Variants in SDK1 observed in about 807,000 individuals in gnomAD.
The protein encoded by SDK1 is protein sidekick-1.
Under a neutral mutation model 245.5 loss-of-function variants are expected in SDK1, and 157 were observed. The ratio of observed to expected loss-of-function variants is 0.64; its 90% CI spans 0.56 to 0.73. The LOEUF (loss-of-function observed/expected upper bound fraction) is 0.73, where lower values mean the gene tolerates loss of function less well. Among genes scored for constraint, SDK1 ranks in the 30% least tolerant of loss-of-function variants. SDK1 has a pLI of 0.00. For synonymous variants in SDK1, 1,647 were observed against 1,278.5 expected, an observed-to-expected ratio of 1.29 and a Z score of -6.15; for missense variants, 3,583 against 3,002.3, an observed-to-expected ratio of 1.19 and a Z score of -4.52.
intron 4 of SDK1, among the ~76,000 whole-genome samples, chr7:3,743,747 GA>G (rs370061120): frequency 6.6e-6 from 1 of 151,956 alleles, no homozygotes; most frequent in Non-Finnish European, 1.5e-5. Context: ...CTGTGTGTAC[GA>G]AAAAAATGAT....
intron 4 of SDK1, among the ~76,000 whole-genome samples, chr7:3,713,885 C>T (rs771827609): frequency 2.0e-5 from 3 of 152,176 alleles, no homozygotes; most frequent in Non-Finnish European, 4.4e-5. Flanking sequence ...AACCGAGAGT[C>T]AGGAATCAGC....
At chr7:3,979,296 C>G (rs1783211596) in intron 13 of SDK1, among the ~76,000 whole-genome samples, 1 of 152,210 alleles carries the variant, frequency 6.6e-6, no homozygotes, top group Admixed American at 6.5e-5. Context: ...AGTCCTAGCT[C>G]TTCGTGCTTT....
intron 27 of SDK1, among the ~76,000 whole-genome samples, chr7:4,131,647 C>G (rs1784828335): frequency 6.6e-6 from 1 of 152,156 alleles, no homozygotes. Flanking sequence ...CTTGCCTGTT[C>G]GTTTAAGTAA....
Position 4,146,006 on chromosome 7 carries a change from G to A in SDK1, c.4423+90G>A, listed in dbSNP as rs961631162. The A allele has an allele frequency of 2.5e-5, 29 of 1,164,034 alleles. No homozygotes were observed. In the African/African-American group the frequency reaches 4.2e-4, roughly 17 times the overall value. The allele number at this position is 1,164,034 out of a possible 1,614,324, so 72.1% of individuals were successfully genotyped here. A position where few individuals can be genotyped will look rare whatever the true frequency, so the allele number is the denominator to read the frequency against. ...TCTGGGGTCTGCGGGGTACCTGGGA[G>A]GCTTCGGCCTTCCCTTCGGAGAAAG... On this transcript the variant is annotated intron_variant, in intron 29 of 44. Transcript: ENST00000404826.
At chr7:3,849,285 T>C (rs1780361622) in intron 5 of SDK1, among the ~76,000 whole-genome samples, 1 of 152,186 alleles carries the variant, frequency 6.6e-6, no homozygotes, top group Admixed American at 6.5e-5. Context: ...ATTCACTCTT[T>C]ATCTTCACCA....
At position 3,913,985 on chromosome 7, in the gene SDK1, T is replaced by G. The variant is rs547716027; in HGVS notation, c.848-36938T>G. Among the ~76,000 whole-genome samples the G allele has an allele frequency of 5.9e-5, 9 of 152,330 alleles. No individual in the cohort carries two copies. In the South Asian group the frequency reaches 1.7e-3, roughly 28 times the overall value. ...TGCTATACCATACTCCCTTCCCTGA[T>G]GGTGCCTGCTTTTCTGAAAGCTTCT... On this transcript the variant is annotated intron_variant, in intron 5 of 44. Coordinates refer to ENST00000404826, the MANE Select transcript of SDK1 (RefSeq NM_152744.4).
At chr7:3,785,628 A>T (rs1392555311) in intron 4 of SDK1, among the ~76,000 whole-genome samples, 1 of 152,224 alleles carries the variant, frequency 6.6e-6, no homozygotes, top group Non-Finnish European at 1.5e-5. Flanking sequence ...CTTTATAAGT[A>T]ACTGTCTACT....
intron 1 of SDK1, among the ~76,000 whole-genome samples, chr7:3,444,712 T>C (rs1352237532): frequency 6.6e-6 from 1 of 152,204 alleles, no homozygotes; most frequent in Non-Finnish European, 1.5e-5. Flanking sequence ...TTTTCTGTTT[T>C]CAGTAGGCCA....
chr7:3,685,268 A>G (rs1784245878), intron 4 of SDK1, among the ~76,000 whole-genome samples: 1 of 152,160 alleles, frequency 6.6e-6, no homozygotes. Context: ...TGAAAATGAC[A>G]GCAGTCATTC....
At chr7:3,595,054 T>A (rs1781007353) in intron 1 of SDK1, among the ~76,000 whole-genome samples, 1 of 152,206 alleles carries the variant, frequency 6.6e-6, no homozygotes, top group Non-Finnish European at 1.5e-5. Flanking sequence ...ATACCCTTGT[T>A]GCCACCACAG....
rs530856803 is a variant in SDK1 at position 3,947,167 on chromosome 7, A to G, written c.848-3756A>G. Among the ~76,000 whole-genome samples, 76 of 152,304 alleles carry G rather than the reference A, an allele frequency of 5.0e-4. No homozygotes were observed. The South Asian group carries it at 0.015, about 31-fold the overall frequency. On this transcript the variant is annotated intron_variant, in intron 5 of 44. Transcript: ENST00000404826. ...TATACATGAGCATGCATGCATGCAC[A>G]CACACACACACGCTTCTTTATTTCT...
chr7:3,710,644 C>G (rs574003565), intron 4 of SDK1, among the ~76,000 whole-genome samples: 24 of 152,330 alleles, frequency 1.6e-4, no homozygotes, highest in African/African-American at 5.3e-4. Flanking sequence ...TGTGCTTCGA[C>G]ACTCTCGTAA....
At chr7:3,940,771 A>C (rs406889) in intron 5 of SDK1, among the ~76,000 whole-genome samples, 40,332 of 152,004 alleles carry the variant, frequency 0.27, 6,926 homozygotes, top group East Asian at 0.57. Flanking sequence ...CAGTGAGCCG[A>C]GATCATGCCG....
At chr7:3,857,611 C>T (rs889655164) in intron 5 of SDK1, among the ~76,000 whole-genome samples, 3 of 151,340 alleles carry the variant, frequency 2.0e-5, no homozygotes, top group Admixed American at 1.3e-4. Context: ...TGCTTGAGGC[C>T]AGAAGGTCAA....
chr7:3,364,799 C>G (rs1475109767), intron 1 of SDK1, among the ~76,000 whole-genome samples: 1 of 152,024 alleles, frequency 6.6e-6, no homozygotes, highest in Non-Finnish European at 1.5e-5. Context: ...ATACACTTTT[C>G]TGTATCTAGA....
At chr7:3,793,405 A>C (rs1451542693) in intron 4 of SDK1, among the ~76,000 whole-genome samples, 1 of 152,120 alleles carries the variant, frequency 6.6e-6, no homozygotes, top group African/African-American at 2.4e-5. Context: ...TCTACAAGAA[A>C]ATCCTGCCCA....
Position 3,676,048 on chromosome 7 carries a change from C to T in SDK1, c.713+33943C>T, listed in dbSNP as rs76858609. ...TGGCACTATCACGGCTGACTGCAGC[C>T]ACAAACTCCCAGGCTCAAGCGATTC... On this transcript the variant is annotated intron_variant, in intron 4 of 44. Coordinates refer to ENST00000404826, the MANE Select transcript of SDK1 (RefSeq NM_152744.4). Among the ~76,000 whole-genome samples the T allele has an allele frequency of 6.3e-4, 96 of 152,280 alleles. No homozygotes were observed. The East Asian group carries it at 0.018, about 28-fold the overall frequency.
rs551448084 is a variant in SDK1, at chr7:3,880,436, A to AGCCCG, written c.847+58859_847+58863dup. Among the ~76,000 whole-genome samples, 343 of 151,552 alleles carry AGCCCG rather than the reference A, an allele frequency of 2.3e-3. 6 individuals are homozygous for AGCCCG. The South Asian group carries it at 0.029, about 13-fold the overall frequency. ...GGCCTTGGGTAGCCTCAGCAGCAGG[A>AGCCCG]GCCCGGCCCGCGGCGCCAACACCAG... On this transcript the variant is annotated intron_variant, in intron 5 of 44. Transcript: ENST00000404826.
intron 20 of SDK1, among the ~76,000 whole-genome samples, chr7:4,073,342 T>A (rs2128175470): frequency 6.6e-6 from 1 of 152,372 alleles, no homozygotes; most frequent in African/African-American, 2.4e-5. Flanking sequence ...GCCTGCACCA[T>A]TTCTGCTGGC....
Sources: gnomAD v4.1 joint callset for allele counts (sites outside exome capture counted in the v4.1 genomes callset) on GRCh38, gnomAD v4.1.1 for gene constraint, MANE v1.5 for transcripts, NCBI Gene and HGNC (gene_info 2026-07-23, HGNC 2026-07-21) for gene names.